DLC1: variants seen among roughly 807,000 people sequenced by gnomAD.
DLC1 encodes the protein rho GTPase-activating protein 7.
Under a neutral mutation model 140.3 loss-of-function variants are expected in DLC1, and 54 were observed. That is an observed-to-expected ratio of 0.38 (90% CI 0.31 to 0.48). The LOEUF is 0.48. Among genes scored for constraint, DLC1 ranks in the 20% least tolerant of loss-of-function variants. The pLI is 0.96. For missense variants in DLC1, 2,536 were observed against 1,907.0 expected, an observed-to-expected ratio of 1.33 and a Z score of -6.14; for synonymous variants, 986 against 728.1, an observed-to-expected ratio of 1.35 and a Z score of -5.70.
intron 5 of DLC1, among the ~76,000 whole-genome samples, chr8:13,211,353 C>T (rs936618001): frequency 2.0e-5 from 3 of 151,944 alleles, no homozygotes. Context: ...TTTTGCTGTA[C>T]TCTGTGTGCT....
chr8:13,335,739 C>T (rs1833787874), intron 4 of DLC1, among the ~76,000 whole-genome samples: 1 of 152,002 alleles, frequency 6.6e-6, no homozygotes, highest in Non-Finnish European at 1.5e-5. Flanking sequence ...CAAGCCAAAC[C>T]TGGATCTATT....
chr8:13,085,816 T>A lies in DLC1; in HGVS notation c.4582A>T (p.Arg1528Trp), dbSNP rs759626631. Residue 1528 changes from arginine to tryptophan, a missense_variant, in exon 18 of 18, where the codon AGG becomes TGG. By Grantham distance (101) the Arg-to-Trp change is moderately radical. Transcript: ENST00000276297. Reference sequence around the variant, plus strand: ...CGGTTGCGTTGCTTCAGTGATCACCTAGATTTGGTGTCTTTGGTTTCAGTG... The same window carrying A: ...CGGTTGCGTTGCTTCAGTGATCACCAAGATTTGGTGTCTTTGGTTTCAGTG... ...QNTETKDTKS[R>W] The A allele has an allele frequency of 5.0e-5, 81 of 1,614,048 alleles. No individual in the cohort carries two copies. Among genetic ancestry groups the A allele is most frequent in the Non-Finnish European group, 6.8e-5 (80 of 1,180,012 alleles).
intron 2 of DLC1, among the ~76,000 whole-genome samples, chr8:13,466,133 C>G (rs1242697911): frequency 1.3e-5 from 2 of 152,180 alleles, no homozygotes; most frequent in Non-Finnish European, 2.9e-5. Flanking sequence ...AGAGCTCACA[C>G]CTGCTTGTTC....
intron 5 of DLC1, among the ~76,000 whole-genome samples, chr8:13,140,940 G>A (rs572654200): frequency 4.5e-4 from 69 of 152,174 alleles, no homozygotes; most frequent in African/African-American, 1.6e-3. Flanking sequence ...TAGATGCCTT[G>A]CTTAGAGTGA....
At chr8:13,373,834 G>T (rs1835839020) in intron 4 of DLC1, among the ~76,000 whole-genome samples, 1 of 152,034 alleles carries the variant, frequency 6.6e-6, no homozygotes, top group Non-Finnish European at 1.5e-5. Context: ...AGCTGGCTTA[G>T]TACAAATAAA....
chr8:13,142,121 A>G (rs542246081), intron 5 of DLC1, among the ~76,000 whole-genome samples: 1 of 152,326 alleles, frequency 6.6e-6, no homozygotes, highest in Admixed American at 6.5e-5. Flanking sequence ...CCTTGTGAAG[A>G]AGTTACTTGC....
intron 4 of DLC1, among the ~76,000 whole-genome samples, chr8:13,362,093 G>A (rs1232087194): frequency 2.0e-5 from 3 of 152,234 alleles, no homozygotes; most frequent in East Asian, 1.9e-4. Context: ...CTCTGAAGGA[G>A]GAAAGTGGGA....
intron 1 of DLC1, among the ~76,000 whole-genome samples, chr8:13,574,181 A>C (rs898923543): frequency 2.2e-4 from 33 of 152,208 alleles, no homozygotes; most frequent in African/African-American, 7.5e-4. Context: ...ATATATACAC[A>C]TTCTTTTCCT....
intron 4 of DLC1, chr8:13,342,012 T>C (rs1460141324): frequency 6.6e-6 from 1 of 152,212 alleles, no homozygotes; most frequent in South Asian, 2.1e-4. Flanking sequence ...TAAATGAAAA[T>C]GCATCAGATC....
chr8:13,517,771 T>A (rs1802637072), upstream of DLC1, among the ~76,000 whole-genome samples: 1 of 152,088 alleles, frequency 6.6e-6, no homozygotes, highest in Admixed American at 6.5e-5. Context: ...AGGATAGGAG[T>A]CTGCTCCAAA....
chr8:13,567,378 G>C (rs1480513546), intron 1 of DLC1: 2 of 1,551,584 alleles, frequency 1.3e-6, no homozygotes, highest in African/African-American at 2.7e-5. Context: ...GCACCATGAA[G>C]ATAAATTTGA....
At chr8:13,327,724 C>A (rs1671383) in intron 4 of DLC1, among the ~76,000 whole-genome samples, 128,560 of 152,152 alleles carry the variant, frequency 0.84, 54,918 homozygotes, top group East Asian at 0.95. Context: ...CAAGCACTAG[C>A]GATATTAGCA....
intron 5 of DLC1, chr8:13,133,095 C>A: frequency 6.6e-7 from 1 of 1,505,186 alleles, no homozygotes; most frequent in African/African-American, 1.4e-5. Context: ...TCGCGGTCCT[C>A]AACGCATCCT....
chr8:13,129,722 G>T (rs981822302), intron 5 of DLC1, among the ~76,000 whole-genome samples: 1 of 152,196 alleles, frequency 6.6e-6, no homozygotes, highest in East Asian at 1.9e-4. Flanking sequence ...TGTGGGTCTG[G>T]ATGCGAGTCA....
chr8:13,170,383 A>C (rs911230966), intron 5 of DLC1, among the ~76,000 whole-genome samples: 2 of 152,330 alleles, frequency 1.3e-5, no homozygotes, highest in Admixed American at 1.3e-4. Flanking sequence ...TCTGAATTGA[A>C]CATTAGTAAC....
chr8:13,397,742 A>T (rs573186529), intron 3 of DLC1, among the ~76,000 whole-genome samples: 1 of 152,090 alleles, frequency 6.6e-6, no homozygotes, highest in African/African-American at 2.4e-5. Context: ...AGGCTGAGGC[A>T]GGAGGATTGC....
chr8:13,371,377 G>A lies in DLC1; in HGVS notation c.1314+22176C>T, dbSNP rs538710194. Among the ~76,000 whole-genome samples, 420 of 152,126 alleles carry A rather than the reference G, an allele frequency of 2.8e-3. 2 individuals carry two copies. The highest frequency in any genetic ancestry group is 9.9e-3 in the African/African-American group (410 of 41,488). On this transcript the variant is annotated intron_variant, in intron 4 of 17. Transcript: ENST00000276297. ...AATGCACATATGTTTTTCTCTTTCT[G>A]TTTCTATCTCTCTGTCTCTGTCTCT...
chr8:13,232,739 G>T (rs1340973719), intron 5 of DLC1, among the ~76,000 whole-genome samples: 1 of 152,176 alleles, frequency 6.6e-6, no homozygotes, highest in East Asian at 1.9e-4. Context: ...TCAAGAGACT[G>T]ATGTTTACTT....
intron 5 of DLC1, among the ~76,000 whole-genome samples, chr8:13,163,942 C>A (rs183967893): frequency 6.6e-6 from 1 of 152,092 alleles, no homozygotes; most frequent in Admixed American, 6.6e-5. Flanking sequence ...GGATTCAAGG[C>A]TTCAGTGAGC....
Sources: gnomAD v4.1 joint callset for allele counts (sites outside exome capture counted in the v4.1 genomes callset) on GRCh38, gnomAD v4.1.1 for gene constraint, MANE v1.5 for transcripts, NCBI Gene and HGNC (gene_info 2026-07-23, HGNC 2026-07-21) for gene names.